Variants in SH3RF3 observed in about 807,000 individuals in gnomAD.
SH3RF3 encodes SH3 domain containing ring finger 3, also known as E3 ubiquitin-protein ligase SH3RF3.
In SH3RF3, 29 loss-of-function variants were observed where a neutral mutation model predicts 66.3. That is an observed-to-expected ratio of 0.44 (90% confidence interval 0.33 to 0.60). The LOEUF is 0.60. Ranked by LOEUF, SH3RF3 falls within the 20% of genes least tolerant of loss-of-function variation. The pLI, the probability that SH3RF3 is intolerant of heterozygous loss-of-function variation, is 0.04. For synonymous variants in SH3RF3, 583 were observed against 532.0 expected (o/e 1.10, Z -1.32); for missense variants, 1,194 against 1,190.9 (o/e 1.00, Z -0.04).
At chr2:109,345,231 G>T (rs1682657945) in intron 1 of SH3RF3, among the ~76,000 whole-genome samples, 1 of 152,176 alleles carries the variant, frequency 6.6e-6, no homozygotes, top group Non-Finnish European at 1.5e-5. Flanking sequence ...CAATGTGGGT[G>T]TGAGTGGTGT....
chr2:109,456,451 C>T (rs569179092), intron 8 of SH3RF3, among the ~76,000 whole-genome samples: 1 of 152,334 alleles, frequency 6.6e-6, no homozygotes, highest in South Asian at 2.1e-4. Context: ...GCTGGAGCAT[C>T]GCTTCACTGG....
At chr2:109,263,146 G>T (rs1271087692) in intron 1 of SH3RF3, among the ~76,000 whole-genome samples, 2 of 152,066 alleles carry the variant, frequency 1.3e-5, no homozygotes, top group African/African-American at 2.4e-5. Flanking sequence ...ACGCCCAGCC[G>T]CAATCACTTT....
At chr2:109,301,045 A>T (rs1348830806) in intron 1 of SH3RF3, among the ~76,000 whole-genome samples, 1 of 152,246 alleles carries the variant, frequency 6.6e-6, no homozygotes, top group Non-Finnish European at 1.5e-5. Context: ...GGGAGACTTC[A>T]ATACAGTTGT....
At chr2:109,240,226 A>G (rs1230190447) in intron 1 of SH3RF3, among the ~76,000 whole-genome samples, 2 of 152,220 alleles carry the variant, frequency 1.3e-5, no homozygotes, top group African/African-American at 4.8e-5. Context: ...GAAGCCAGGC[A>G]TGGTGGCTCA....
chr2:109,469,634 G>C (rs533768206), intron 8 of SH3RF3, among the ~76,000 whole-genome samples: 78 of 152,298 alleles, frequency 5.1e-4, no homozygotes, highest in Non-Finnish European at 9.4e-4. Flanking sequence ...GAGTGACTGA[G>C]CACTGGTCTT....
intron 2 of SH3RF3, among the ~76,000 whole-genome samples, chr2:109,367,874 G>C (rs1683180761): frequency 1.3e-5 from 2 of 152,178 alleles, no homozygotes; most frequent in African/African-American, 4.8e-5. Context: ...ATATTTGATA[G>C]GAATCACCGA....
chr2:109,132,173 A>G (rs1286725117), intron 1 of SH3RF3, among the ~76,000 whole-genome samples: 1 of 152,236 alleles, frequency 6.6e-6, no homozygotes, highest in Non-Finnish European at 1.5e-5. Context: ...CCATGATAGC[A>G]GGTAACCATA....
At chr2:109,216,065 A>G (rs530728731) in intron 1 of SH3RF3, among the ~76,000 whole-genome samples, 187 of 152,294 alleles carry the variant, frequency 1.2e-3, no homozygotes, top group African/African-American at 3.1e-3. Flanking sequence ...ACAGCCAAGC[A>G]GTCAGTCTGA....
intron 1 of SH3RF3, among the ~76,000 whole-genome samples, chr2:109,213,774 C>T (rs1679046432): frequency 6.6e-6 from 1 of 152,156 alleles, no homozygotes; most frequent in African/African-American, 2.4e-5. Flanking sequence ...GTGACGTGGT[C>T]TCACTGTGGT....
At chr2:109,234,828 G>T (rs1341075454) in intron 1 of SH3RF3, among the ~76,000 whole-genome samples, 1 of 152,174 alleles carries the variant, frequency 6.6e-6, no homozygotes, top group Non-Finnish European at 1.5e-5. Context: ...ATGTTCCTGA[G>T]AAAAAGAGAG....
intron 1 of SH3RF3, among the ~76,000 whole-genome samples, chr2:109,279,637 A>G (rs1388594390): frequency 1.3e-5 from 2 of 152,196 alleles, no homozygotes; most frequent in African/African-American, 4.8e-5. Context: ...ACCTTTTCCC[A>G]GAAATGGTCT....
intron 8 of SH3RF3, among the ~76,000 whole-genome samples, chr2:109,468,809 G>A (rs1355891677): frequency 6.8e-5 from 10 of 147,362 alleles, no homozygotes; most frequent in Non-Finnish European, 1.3e-4. Context: ...AGCCAAGATC[G>A]CGGCAGTGCA....
intron 7 of SH3RF3, among the ~76,000 whole-genome samples, chr2:109,440,701 G>A (rs954235092): frequency 7.9e-5 from 12 of 152,138 alleles, no homozygotes; most frequent in African/African-American, 2.7e-4. Flanking sequence ...GAGGAGCCCC[G>A]AGGATGTGGA....
chr2:109,496,978 G>C (rs755924522), intron 9 of SH3RF3, among the ~76,000 whole-genome samples: 1 of 152,152 alleles, frequency 6.6e-6, no homozygotes, highest in Non-Finnish European at 1.5e-5. Flanking sequence ...CTCCAGAGAA[G>C]GGATGAAGGC....
chr2:109,435,518 T>C (rs1016948535), intron 6 of SH3RF3, among the ~76,000 whole-genome samples: 3 of 152,222 alleles, frequency 2.0e-5, no homozygotes, highest in African/African-American at 7.2e-5. Flanking sequence ...GGGAGTATAG[T>C]GCTCAGAGCT....
At position 109,257,663 on chromosome 2, in the gene SH3RF3, G is replaced by A. The variant is rs906701339; in HGVS notation, c.574-90011G>A. ...TTTCCTTCTGAGTGCCTTGGTTTGC[G>A]CTTCAGGGAAGCCACTGACACGTTC... On this transcript the variant is annotated intron_variant, in intron 1 of 9. Transcript: ENST00000309415. Among the ~76,000 whole-genome samples the A allele has an allele frequency of 1.2e-4, 19 of 152,248 alleles. 1 individual carries two copies. Among genetic ancestry groups the A allele is most frequent in the East Asian group, 3.9e-4 (2 of 5,166 alleles).
At chr2:109,343,625 C>G (rs1055730736) in intron 1 of SH3RF3, among the ~76,000 whole-genome samples, 1 of 152,166 alleles carries the variant, frequency 6.6e-6, no homozygotes, top group African/African-American at 2.4e-5. Context: ...GCTCTCAGTA[C>G]CAGACTCGAG....
intron 2 of SH3RF3, among the ~76,000 whole-genome samples, chr2:109,358,909 A>G (rs1046628395): frequency 3.3e-5 from 5 of 152,088 alleles, no homozygotes; most frequent in African/African-American, 1.2e-4. Flanking sequence ...GGAGTTTTGT[A>G]GTTTTATATT....
chr2:109,180,855 G>C lies in SH3RF3; in HGVS notation c.573+50742G>C, dbSNP rs190543696. 2.6e-5 allele frequency among the ~76,000 whole-genome samples: 4 copies of C among 152,294 alleles called. No homozygotes were observed. In the East Asian group the frequency reaches 7.7e-4, roughly 29 times the overall value. On this transcript the variant is annotated intron_variant, in intron 1 of 9. Transcript: ENST00000309415. The stretch of plus-strand genomic sequence containing the variant: ...CAGTCAGCTAAGAGTGTGGTCACAG[G>C]GGCTTCAGGGGCTGAGTCCAGGGCA...
Sources: allele counts gnomAD v4.1 joint callset (sites outside exome capture counted in the v4.1 genomes callset), GRCh38; gene constraint gnomAD v4.1.1; transcripts MANE v1.5; gene names NCBI Gene and HGNC (gene_info 2026-07-23, HGNC 2026-07-21).